AP3B1: variants seen among roughly 807,000 people sequenced by gnomAD.
AP3B1 encodes the protein adaptor related protein complex 3 subunit beta 1, also known as AP-3 complex subunit beta-1.
A neutral mutation model predicts 132.5 loss-of-function variants in AP3B1; 61 were observed. That is an observed-to-expected ratio of 0.46 (90% CI 0.37 to 0.57). AP3B1 has a LOEUF of 0.57. Among genes scored for constraint, AP3B1 ranks in the 20% least tolerant of loss-of-function variants. The pLI is 0.00. For synonymous variants in AP3B1, 388 were observed against 438.3 expected (o/e 0.89, Z 1.43); for missense variants, 1,120 against 1,289.4 (o/e 0.87, Z 2.01).
intron 7 of AP3B1, among the ~76,000 whole-genome samples, chr5:78,193,770 A>ATATATATATATATATATTTTTTTTTT: frequency 4.5e-5 from 3 of 67,212 alleles, no homozygotes; most frequent in Non-Finnish European, 6.4e-5. Context: ...ATATATATAT[A>ATATATATATATATATATTTTTTTTTT]TTTTTTTTTT....
At chr5:78,136,053 A>G (rs911855704) in intron 15 of AP3B1, among the ~76,000 whole-genome samples, 22 of 152,080 alleles carry the variant, frequency 1.4e-4, no homozygotes, top group African/African-American at 4.8e-4. Flanking sequence ...TCAGCATCCT[A>G]CTTAGAAAAT....
At chr5:78,096,974 C>T (rs1750841645) in intron 21 of AP3B1, among the ~76,000 whole-genome samples, 1 of 136,706 alleles carries the variant, frequency 7.3e-6, no homozygotes, top group Non-Finnish European at 1.6e-5. Flanking sequence ...AGTGAGGAGT[C>T]CCTCTGCCCG....
At chr5:78,283,976 A>G (rs1749166059) in intron 1 of AP3B1, among the ~76,000 whole-genome samples, 1 of 152,236 alleles carries the variant, frequency 6.6e-6, no homozygotes, top group African/African-American at 2.4e-5. Flanking sequence ...TTCACCAGTC[A>G]GTCCCTCATT....
intron 25 of AP3B1, among the ~76,000 whole-genome samples, chr5:78,018,671 AACAC>A (rs3050070): frequency 0.13 from 19,660 of 146,542 alleles, 1,549 homozygotes; most frequent in Admixed American, 0.23. Flanking sequence ...AAGCTGGTGT[AACAC>A]ACACACACAC....
chr5:78,006,739 C>A (rs953197406), intron 26 of AP3B1, among the ~76,000 whole-genome samples: 2 of 152,192 alleles, frequency 1.3e-5, no homozygotes, highest in Non-Finnish European at 2.9e-5. Flanking sequence ...AGGACACCAT[C>A]TAGATATTTT....
At chr5:78,256,715 G>A (rs978527926) in intron 2 of AP3B1, among the ~76,000 whole-genome samples, 1 of 151,742 alleles carries the variant, frequency 6.6e-6, no homozygotes, top group Non-Finnish European at 1.5e-5. Context: ...ACACATCAAG[G>A]AAAAAGAAAA....
At chr5:78,144,548 G>T (rs773000999) in intron 14 of AP3B1, among the ~76,000 whole-genome samples, 6 of 152,096 alleles carry the variant, frequency 3.9e-5, no homozygotes, top group Non-Finnish European at 8.8e-5. Flanking sequence ...TAAGCAAACT[G>T]CATACCAACA....
At chr5:78,271,348 G>A (rs1216831440) in intron 1 of AP3B1, among the ~76,000 whole-genome samples, 2 of 152,172 alleles carry the variant, frequency 1.3e-5, no homozygotes, top group Non-Finnish European at 2.9e-5. Flanking sequence ...TTGAATCTGG[G>A]AGGTGGAGGT....
At chr5:78,121,821 G>A (rs1004914822) in intron 17 of AP3B1, 1 of 152,226 alleles carries the variant, frequency 6.6e-6, no homozygotes, top group Non-Finnish European at 1.5e-5. Flanking sequence ...TAGAAAAAGA[G>A]GGAAGCCTCC....
At chr5:78,221,448 A>T (rs186562128) in intron 6 of AP3B1, among the ~76,000 whole-genome samples, 44 of 152,194 alleles carry the variant, frequency 2.9e-4, no homozygotes, top group African/African-American at 1.0e-3. Flanking sequence ...TATAAATATA[A>T]ATTATAAATT....
At chr5:78,192,997 T>C (rs1744906732) in intron 7 of AP3B1, among the ~76,000 whole-genome samples, 1 of 152,208 alleles carries the variant, frequency 6.6e-6, no homozygotes, top group African/African-American at 2.4e-5. Context: ...AAAACAACTA[T>C]GATTAATATG....
intron 17 of AP3B1, among the ~76,000 whole-genome samples, chr5:78,120,025 G>A (rs1303426665): frequency 6.6e-6 from 1 of 152,178 alleles, no homozygotes; most frequent in African/African-American, 2.4e-5. Flanking sequence ...AGGAGAGTGG[G>A]GGCCAATATT....
intron 22 of AP3B1, among the ~76,000 whole-genome samples, chr5:78,041,207 G>T (rs1748069535): frequency 1.3e-5 from 2 of 151,582 alleles, no homozygotes. Context: ...CTGGGAGGCG[G>T]AGGTTGCTGT....
rs1333733383 is a variant in AP3B1, at chr5:78,247,164, T to C, written c.205-6228A>G. Among the ~76,000 whole-genome samples the C allele has an allele frequency of 8.6e-5, 13 of 151,438 alleles. No individual in the cohort carries two copies. The South Asian group carries it at 2.7e-3, about 31-fold the overall frequency. On this transcript the variant is annotated intron_variant, in intron 2 of 26. Transcript: ENST00000255194. ...TTCCAATGACTGTGTTTAGTTTAAT[T>C]CTATATGGTCAGATAACACACTTGC...
At chr5:78,241,060 T>C (rs1747113845) in intron 2 of AP3B1, 124 bp from the exon 3 acceptor site, 1 of 675,236 alleles carries the variant, frequency 1.5e-6, no homozygotes, top group Non-Finnish European at 2.6e-6. Flanking sequence ...TTACCTCAAC[T>C]ATTTACAGCA....
intron 8 of AP3B1, 79 bp from the exon 9 acceptor site, chr5:78,177,515 A>G (rs1330093008): frequency 9.7e-7 from 1 of 1,034,888 alleles, no homozygotes; most frequent in Non-Finnish European, 1.5e-6. Flanking sequence ...CCTACACATT[A>G]TTTCCTCTAA....
At chr5:78,279,658 C>T (rs1054863585) in intron 1 of AP3B1, among the ~76,000 whole-genome samples, 1 of 151,622 alleles carries the variant, frequency 6.6e-6, no homozygotes, top group Non-Finnish European at 1.5e-5. Context: ...CCTGCAATCC[C>T]AAGACTTTGG....
chr5:78,075,463 G>A (rs1322390925), intron 22 of AP3B1, among the ~76,000 whole-genome samples: 3 of 152,104 alleles, frequency 2.0e-5, no homozygotes, highest in Non-Finnish European at 1.5e-5. Flanking sequence ...TTTCCCAGTT[G>A]AGTTCCTACA....
chr5:78,242,054 T>C (rs1402176954), intron 2 of AP3B1, among the ~76,000 whole-genome samples: 1 of 152,216 alleles, frequency 6.6e-6, no homozygotes, highest in Non-Finnish European at 1.5e-5. Context: ...CCATAATGTA[T>C]ATCACTGACA....
Sources: allele counts gnomAD v4.1 joint callset (sites outside exome capture counted in the v4.1 genomes callset), GRCh38; gene constraint gnomAD v4.1.1; transcripts MANE v1.5; gene names NCBI Gene and HGNC (gene_info 2026-07-23, HGNC 2026-07-21).